The following PCDHGA9 variants were observed in gnomAD, a reference collection of about 807,000 sequenced individuals.
PCDHGA9 encodes the protein protocadherin gamma subfamily A, 9.
In PCDHGA9, 37 loss-of-function variants were observed where a neutral mutation model predicts 62.5. The observed-to-expected ratio is 0.59, with a 90% CI of 0.46 to 0.78. The LOEUF (loss-of-function observed/expected upper bound fraction) is 0.78, where lower values mean the gene tolerates loss of function less well. Among genes scored for constraint, PCDHGA9 ranks in the 30% least tolerant of loss-of-function variants. PCDHGA9 has a pLI of 0.00. For missense variants in PCDHGA9, 1,138 were observed against 1,166.2 expected (o/e 0.98, Z 0.35); for synonymous variants, 459 against 484.6 (o/e 0.95, Z 0.69).
chr5:141,445,584 G>A lies in PCDHGA9; in HGVS notation c.2424+40208G>A, dbSNP rs540956709. ...AGAAAGCTTATAGTAGGGAAGCTTC[G>A]CCTAATCTGAAGGTCAAGGAAGGCT... On this transcript the variant is annotated intron_variant, in intron 1 of 3. Transcript: ENST00000573521. Among the ~76,000 whole-genome samples, 116 of 152,286 alleles carry A rather than the reference G, an allele frequency of 7.6e-4. 2 individuals are homozygous for A. Among genetic ancestry groups the A allele is most frequent in the Non-Finnish European group, 2.4e-4 (16 of 68,024 alleles).
chr5:141,415,409 TG>T (rs763291157), intron 1 of PCDHGA9: 1 of 1,614,208 alleles, frequency 6.2e-7, no homozygotes, highest in Non-Finnish European at 8.5e-7. Context: ...TCGCACTTTG[TG>T]GGCGTGGACG....
chr5:141,475,928 G>A, intron 1 of PCDHGA9: 1 of 630,590 alleles, frequency 1.6e-6, no homozygotes, highest in Non-Finnish European at 2.7e-6. Context: ...TGGAGATCGG[G>A]CCCCTGCCCG....
rs375665864 is a variant in PCDHGA9, at chr5:141,469,524, A to G, written c.2425-25283A>G. Among the ~76,000 whole-genome samples the G allele has an allele frequency of 2.4e-4, 36 of 152,260 alleles. No homozygotes were observed. The East Asian group carries it at 3.1e-3, about 13-fold the overall frequency. On this transcript the variant is annotated intron_variant, in intron 1 of 3. Coordinates refer to ENST00000573521, the MANE Select transcript of PCDHGA9 (RefSeq NM_018921.3). ...CGGGAGGTGGAGGTTGCAGTGAGCCAAGATTGTGCCACTGCACTCCAGCCT... is the reference window on the plus strand; with the variant it reads ...CGGGAGGTGGAGGTTGCAGTGAGCCGAGATTGTGCCACTGCACTCCAGCCT...
At chr5:141,454,838 C>T (rs1472341694) in intron 1 of PCDHGA9, among the ~76,000 whole-genome samples, 7 of 100,814 alleles carry the variant, frequency 6.9e-5, no homozygotes, top group Non-Finnish European at 1.1e-4. Flanking sequence ...GACAGAGTCG[C>T]GCTCTGTCAC....
Position 141,432,289 on chromosome 5 carries a change from C to T in PCDHGA9, c.2424+26913C>T, listed in dbSNP as rs762278053. ...CGTCCTACGTGTCCATCAACTCCGACACTGGGGTACTGTATGCGCTGAGCT... is the reference window on the plus strand; with the variant it reads ...CGTCCTACGTGTCCATCAACTCCGATACTGGGGTACTGTATGCGCTGAGCT... On this transcript the variant is annotated intron_variant, in intron 1 of 3. Coordinates refer to ENST00000573521, the MANE Select transcript of PCDHGA9 (RefSeq NM_018921.3). The surrounding 1 kb of genome is among the most constrained non-coding windows in gnomAD (Gnocchi z 6.0). The T allele has an allele frequency of 6.2e-7, 1 of 1,614,266 alleles. No homozygotes were observed. Among genetic ancestry groups the T allele is most frequent in the Admixed American group, 1.7e-5 (1 of 60,038 alleles).
intron 1 of PCDHGA9, chr5:141,441,502 T>G (rs2098250414): frequency 5.8e-6 from 1 of 173,754 alleles, no homozygotes; most frequent in African/African-American, 2.4e-5. Context: ...CTACCAGGCC[T>G]CCTACGTCGT....
intron 1 of PCDHGA9, chr5:141,414,424 G>C (rs762669763): frequency 1.2e-6 from 2 of 1,613,846 alleles, no homozygotes; most frequent in Non-Finnish European, 1.7e-6. Context: ...CCTTGACAGG[G>C]AACAGGTATC....
chr5:141,418,987 A>AG (rs781016682), intron 1 of PCDHGA9: 1 of 1,613,974 alleles, frequency 6.2e-7, no homozygotes, highest in South Asian at 1.1e-5. Context: ...ACCAAGACTC[A>AG]GGGGAAAATG....
rs2099413746 is a variant in PCDHGA9, at chr5:141,477,589, G to A, written c.2425-17218G>A. ...ACCCCGACGCCCCGCAGAATGCTCGGCTTTCTTTCTTTCTCTTGGAGCAAG... is the reference window on the plus strand; with the variant it reads ...ACCCCGACGCCCCGCAGAATGCTCGACTTTCTTTCTTTCTCTTGGAGCAAG... On this transcript the variant is annotated intron_variant, in intron 1 of 3. Transcript: ENST00000573521. The surrounding 1 kb of genome is among the most constrained non-coding windows in gnomAD (Gnocchi z 4.9). 1 of 1,614,012 alleles carries A rather than the reference G, an allele frequency of 6.2e-7. No individual in the cohort carries two copies. The highest frequency in any genetic ancestry group is 1.1e-5 in the South Asian group (1 of 91,090).
chr5:141,422,727 G>A, intron 1 of PCDHGA9: 6 of 1,606,552 alleles, frequency 3.7e-6, no homozygotes, highest in Non-Finnish European at 5.1e-6. Flanking sequence ...TCCAGGGGGT[G>A]CCTCTGTCCT....
At position 141,404,533 on chromosome 5, in the gene PCDHGA9, T is replaced by A; in HGVS notation, c.1581T>A (p.Asp527Glu). ...LCSFDYEQFR[D>E]LQMQVTASDS... is the part of the protein sequence containing the mutation. Reference sequence around the variant, plus strand: ...CCTTTGACTATGAGCAGTTTAGAGATTTGCAAATGCAGGTGACGGCAAGTG... The same window carrying A: ...CCTTTGACTATGAGCAGTTTAGAGAATTGCAAATGCAGGTGACGGCAAGTG... Residue 527 changes from aspartate (D) to glutamate (E), a missense_variant, in exon 1 of 4, where the codon GAT (aspartate) becomes GAA (glutamate). Transcript: ENST00000573521. 2 of 1,613,926 alleles carry A rather than the reference T, an allele frequency of 1.2e-6. No homozygotes were observed.
intron 1 of PCDHGA9, chr5:141,418,462 C>G: frequency 1.2e-6 from 2 of 1,613,974 alleles, no homozygotes; most frequent in Non-Finnish European, 8.5e-7. Flanking sequence ...AGACTCTGGA[C>G]CGAGAAACGC....
intron 1 of PCDHGA9, chr5:141,419,788 A>G (rs750179874): frequency 6.2e-7 from 1 of 1,614,054 alleles, no homozygotes; most frequent in Non-Finnish European, 8.5e-7. Context: ...AGCGCCTGCT[A>G]GTCGCTGTAA....
chr5:141,510,994 G>A lies in PCDHGA9; in HGVS notation c.2620G>A (p.Gly874Arg). ...CCTGGGAGGGGGTGCCGGCACCATG[G>A]GATTGAGCGCCCGCTACGGACCCCA... ...STLGGGAGTM[G>R]LSARYGPQFT... The change falls in exon 4 of 4, where the codon GGA becomes AGA. Residue 874 changes from glycine to arginine, a missense_variant. Physicochemically the swap from Gly to Arg is moderately radical, Grantham distance 125 (BLOSUM62 -2). Transcript: ENST00000573521. 1 of 1,614,168 alleles carries A rather than the reference G, an allele frequency of 6.2e-7. No homozygotes were observed. Among genetic ancestry groups the A allele is most frequent in the Non-Finnish European group, 8.5e-7 (1 of 1,180,022 alleles).
chr5:141,487,608 G>A lies in PCDHGA9; in HGVS notation c.2425-7199G>A, dbSNP rs970411391. On this transcript the variant is annotated intron_variant, in intron 1 of 3. Coordinates refer to ENST00000573521, the MANE Select transcript of PCDHGA9 (RefSeq NM_018921.3). The surrounding 1 kb of genome is among the most constrained non-coding windows in gnomAD (Gnocchi z 5.0). ...TGCCCACCCTCTGATCTTCTCTATG[G>A]GCTAGAGGTGAGACCTTTGCAGGCT... 1 of 1,614,182 alleles carries A rather than the reference G, an allele frequency of 6.2e-7. No individual in the cohort carries two copies. Among genetic ancestry groups the A allele is most frequent in the African/African-American group, 1.3e-5 (1 of 75,050 alleles).
At chr5:141,464,251 C>G (rs1438610569) in intron 1 of PCDHGA9, among the ~76,000 whole-genome samples, 1 of 141,396 alleles carries the variant, frequency 7.1e-6, no homozygotes, top group African/African-American at 2.7e-5. Context: ...GGCTACAGAG[C>G]GAGACTCCGT....
At position 141,477,271 on chromosome 5, in the gene PCDHGA9, G is replaced by T; in HGVS notation, c.2425-17536G>T. On this transcript the variant is annotated intron_variant, in intron 1 of 3. Transcript: ENST00000573521. The surrounding 1 kb of genome is among the most constrained non-coding windows in gnomAD (Gnocchi z 4.9). ...CTGACCTGGATGCTGGCGAGAACGG[G>T]CTGGTGACCTGCGAAGTTCCACCGG... The T allele has an allele frequency of 1.2e-6, 2 of 1,614,212 alleles. No homozygotes were observed. The highest frequency in any genetic ancestry group is 1.7e-6 in the Non-Finnish European group (2 of 1,180,044).
rs775416808 is a variant in PCDHGA9, at chr5:141,429,727, G to A, written c.2424+24351G>A. ...TAAATATTTACGCTCATGAAAGTAC[G>A]TAGCCAGTTATTTCTTAGGGAGAAT... On this transcript the variant is annotated intron_variant, in intron 1 of 3. Transcript: ENST00000573521. 7.2e-5 allele frequency among the ~76,000 whole-genome samples: 11 copies of A among 152,158 alleles called. 1 individual carries two copies. The highest frequency in any genetic ancestry group is 1.9e-4 in the East Asian group (1 of 5,188).
chr5:141,432,093 C>A lies in PCDHGA9; in HGVS notation c.2424+26717C>A. The A allele has an allele frequency of 1.2e-6, 2 of 1,614,170 alleles. No homozygotes were observed. Among genetic ancestry groups the A allele is most frequent in the Non-Finnish European group, 1.7e-6 (2 of 1,180,046 alleles). On this transcript the variant is annotated intron_variant, in intron 1 of 3. Coordinates refer to ENST00000573521, the MANE Select transcript of PCDHGA9 (RefSeq NM_018921.3). The surrounding 1 kb of genome is among the most constrained non-coding windows in gnomAD (Gnocchi z 6.0). ...CATATCTCGCTGAACGTGGCAGACA[C>A]CAACGACAACCCGCCGGTCTTCCCT...
Sources: allele counts gnomAD v4.1 joint callset (sites outside exome capture counted in the v4.1 genomes callset), GRCh38; gene constraint gnomAD v4.1.1; non-coding constraint Gnocchi (gnomAD v3.1); transcripts MANE v1.5; gene names NCBI Gene and HGNC (gene_info 2026-07-23, HGNC 2026-07-21).